ADAMTS13: variants seen among roughly 807,000 people sequenced by gnomAD.
ADAMTS13 encodes A disintegrin and metalloproteinase with thrombospondin motifs 13.
ADAMTS13 carries 110 observed loss-of-function variants against 155.1 expected under a neutral mutation model. The observed-to-expected ratio is 0.71, with a 90% CI of 0.61 to 0.83. The LOEUF is 0.83. ADAMTS13 is among the 40% of genes least tolerant of loss of function. The probability of loss-of-function intolerance (pLI) is 0.00; values close to 1 mark genes in which losing one functional copy is unlikely to be tolerated. For synonymous variants in ADAMTS13, 758 were observed against 756.4 expected, an observed-to-expected ratio of 1.00 and a Z score of -0.03; for missense variants, 1,707 against 1,891.7, an observed-to-expected ratio of 0.90 and a Z score of 1.81.
chr9:133,455,100 C>CACCTATATGACCCATG (rs1842662198), intron 24 of ADAMTS13, among the ~76,000 whole-genome samples, 185 bp from the exon 25 acceptor site: 2 of 152,176 alleles, frequency 1.3e-5, no homozygotes, highest in African/African-American at 4.8e-5. Context: ...TGGCTCCTCC[C>CACCTATATGACCCATG]ACCTATATGA....
At chr9:133,454,345 AG>A (rs771996784) in intron 23 of ADAMTS13, 69 bp from the exon 24 acceptor site, 1 of 1,560,932 alleles carries the variant, frequency 6.4e-7, no homozygotes. Flanking sequence ...GTGGGTGGAG[AG>A]GGGCCTGCGT....
At chr9:133,431,457 G>T (rs782025492) in intron 8 of ADAMTS13, among the ~76,000 whole-genome samples, 1 of 151,460 alleles carries the variant, frequency 6.6e-6, no homozygotes, top group Non-Finnish European at 1.5e-5. Context: ...CTCCCGAGTA[G>T]CTGGGACTAC....
In ADAMTS13 at chr9:133,437,283, GTC is replaced by G. The variant is rs1286269014; in HGVS notation, c.1435+330_1435+331del. Among the ~76,000 whole-genome samples, 3 of 152,150 alleles carry G rather than the reference GTC, an allele frequency of 2.0e-5. No individual in the cohort carries two copies. In the East Asian group the frequency reaches 5.8e-4, roughly 29 times the overall value. On this transcript the variant is annotated intron_variant, in intron 12 of 28. Coordinates refer to ENST00000355699, the MANE Select transcript of ADAMTS13 (RefSeq NM_139027.6). ...CATGATACTTTTTTTGTGAGACAGA[GTC>G]TTGCTCTGTCGCCCAGGCTGGAGTG...
intron 28 of ADAMTS13, among the ~76,000 whole-genome samples, chr9:133,458,521 A>C (rs913222695): frequency 1.6e-5 from 2 of 126,986 alleles, no homozygotes; most frequent in Admixed American, 1.1e-4. Flanking sequence ...GCACCACTGC[A>C]CTCCAGCCTG....
chr9:133,428,001 T>A (rs141987928), intron 6 of ADAMTS13, among the ~76,000 whole-genome samples: 235 of 152,312 alleles, frequency 1.5e-3, no homozygotes, highest in Non-Finnish European at 2.8e-3. Flanking sequence ...CCTCCCTGTT[T>A]TAGCTAGTCC....
At position 133,432,639 on chromosome 9, in the gene ADAMTS13, T is replaced by C; in HGVS notation, c.1039T>C (p.Cys347Arg). The C allele has an allele frequency of 6.4e-7, 1 of 1,559,254 alleles. No individual in the cohort carries two copies. Among genetic ancestry groups the C allele is most frequent in the Non-Finnish European group, 8.7e-7 (1 of 1,150,908 alleles). The change falls in exon 9 of 29, where the codon TGC becomes CGC. Residue 347 changes from cysteine (C) to arginine (R), a missense_variant. Around this residue, in one of 3 missense-constraint regions of ADAMTS13, gnomAD observed 733 missense variants for 749.6 expected, o/e 0.98. Coordinates refer to ENST00000355699, the MANE Select transcript of ADAMTS13 (RefSeq NM_139027.6). Reference protein sequence around the residue: ...CHTDPLDQSSCSRLLVPLLDG... With the variant: ...CHTDPLDQSSRSRLLVPLLDG... ...CACAGACCCGCTGGACCAAAGCAGC[T>C]GCAGCCGCCTCCTCGTTCCTCTCCT...
chr9:133,426,462 A>C, intron 6 of ADAMTS13, 117 bp downstream of exon 6: 2 of 1,366,508 alleles, frequency 1.5e-6, no homozygotes, highest in South Asian at 2.5e-5. Context: ...AGGAGCCTGT[A>C]CCCCTCACCC....
rs782663768 is a variant in ADAMTS13, at chr9:133,456,031, G to A, written c.3401-38G>A. ...CCGGAGCCTGCCCTGCTGGGAATCG[G>A]GGAAGCACTGCTTACCTGTCTCCTG... On this transcript the variant is annotated intron_variant, in intron 25 of 28. Coordinates refer to ENST00000355699, the MANE Select transcript of ADAMTS13 (RefSeq NM_139027.6). The surrounding 1 kb of genome is among the most constrained non-coding windows in gnomAD (Gnocchi z 4.4). 3 of 1,612,830 alleles carry A rather than the reference G, an allele frequency of 1.9e-6. No individual in the cohort carries two copies. In the Admixed American group the frequency reaches 5.0e-5, roughly 27 times the overall value.
At chr9:133,417,343 C>T (rs1839700079), upstream of ADAMTS13, among the ~76,000 whole-genome samples, 1 of 152,220 alleles carries the variant, frequency 6.6e-6, no homozygotes, top group Non-Finnish European at 1.5e-5. Context: ...AGCTAAATTT[C>T]TCTTTGTAAA....
chr9:133,421,759 G>A (rs1839967423), upstream of ADAMTS13, among the ~76,000 whole-genome samples: 1 of 152,198 alleles, frequency 6.6e-6, no homozygotes. Context: ...CCTGATCGCA[G>A]AGGAGGAGAG....
intron 18 of ADAMTS13, 116 bp downstream of exon 18, chr9:133,442,859 G>C (rs867770015): frequency 6.9e-7 from 1 of 1,439,672 alleles, no homozygotes; most frequent in Non-Finnish European, 9.2e-7. Context: ...AGCTGCTCCT[G>C]TGCAGGCTCT....
intron 25 of ADAMTS13, 125 bp from the exon 26 acceptor site, chr9:133,455,944 G>T: frequency 1.5e-6 from 2 of 1,317,726 alleles, no homozygotes; most frequent in Non-Finnish European, 2.1e-6. Context: ...AAGGCTTCCA[G>T]CTGGGCCTTG....
chr9:133,420,093 G>A (rs1839895142), upstream of ADAMTS13, among the ~76,000 whole-genome samples: 1 of 152,182 alleles, frequency 6.6e-6, no homozygotes, highest in African/African-American at 2.4e-5. Flanking sequence ...TAGTAGAGAT[G>A]GGGTTTCTCC....
intron 1 of ADAMTS13, among the ~76,000 whole-genome samples, chr9:133,415,180 T>C (rs2130736910): frequency 6.6e-6 from 1 of 152,310 alleles, no homozygotes. Context: ...AAAAGCTCTT[T>C]TTCATTCTCA....
In ADAMTS13 at chr9:133,458,078, A is replaced by G; in HGVS notation, c.3893A>G (p.Asn1298Ser). ...TNMGAGTEGA[N>S]ASYILIRDTH... ...ATGGGCGCTGGGACCGAGGGAGCCA[A>G]TGCCAGCTACATCTTGGTGAGGCCC... Residue 1298 changes from asparagine (N) to serine (S), a missense_variant, in exon 28 of 29, where the codon AAT (asparagine) becomes AGT (serine). Physicochemically the swap from Asn to Ser is conservative, Grantham distance 46. Around this residue, in one of 3 missense-constraint regions of ADAMTS13, gnomAD observed 961 missense variants for 1,107.9 expected, o/e 0.87. Transcript: ENST00000355699. The G allele has an allele frequency of 6.2e-7, 1 of 1,613,450 alleles. No homozygotes were observed. The highest frequency in any genetic ancestry group is 1.3e-5 in the African/African-American group (1 of 75,058).
chr9:133,432,519 A>T, intron 8 of ADAMTS13, 69 bp from the exon 9 acceptor site: 1 of 1,342,598 alleles, frequency 7.4e-7, no homozygotes. Flanking sequence ...AGGGACAGTT[A>T]AGGTTGGACA....
rs1554788243 is a variant in ADAMTS13, at chr9:133,433,702, CAGGT to C, written c.1308+2_1308+5del. ...CCTCCAGGCCGAGATGTGCAACACT[CAGGT>C]AGGCCTGCTTCCTGGGGTAGGAGGG... On this transcript the variant is annotated splice_donor_variant and coding_sequence_variant, in exon 11 of 29. Transcript: ENST00000355699. LOFTEE classifies it high-confidence loss of function. The C allele has an allele frequency of 1.2e-6, 2 of 1,613,290 alleles. No individual in the cohort carries two copies. The highest frequency in any genetic ancestry group is 1.3e-5 in the African/African-American group (1 of 75,006).
At chr9:133,419,250 T>G (rs1448847992), upstream of ADAMTS13, among the ~76,000 whole-genome samples, 4 of 152,108 alleles carry the variant, frequency 2.6e-5, no homozygotes, top group Admixed American at 2.0e-4. Context: ...CCATTTATCA[T>G]CTCAATAAAT....
upstream of ADAMTS13, among the ~76,000 whole-genome samples, chr9:133,420,646 A>G (rs958511767): frequency 6.6e-6 from 1 of 152,160 alleles, no homozygotes; most frequent in African/African-American, 2.4e-5. Context: ...TAGCTGTGAA[A>G]CCATCCCAGA....
Sources: gnomAD v4.1 joint callset for allele counts (sites outside exome capture counted in the v4.1 genomes callset) on GRCh38, gnomAD v4.1.1 for gene constraint, gnomAD v4.1.1 regional missense constraint, Gnocchi (gnomAD v3.1) non-coding constraint, MANE v1.5 for transcripts, NCBI Gene and HGNC (gene_info 2026-07-23, HGNC 2026-07-21) for gene names.